The following DGKB variants were observed in gnomAD, a reference collection of about 807,000 sequenced individuals.
DGKB encodes 90 kDa diacylglycerol kinase.
A neutral mutation model predicts 114.3 loss-of-function variants in DGKB; 67 were observed. The ratio of observed to expected loss-of-function variants is 0.59; its 90% CI spans 0.48 to 0.72. The LOEUF (loss-of-function observed/expected upper bound fraction) is 0.72, where lower values mean the gene tolerates loss of function less well. Among genes scored for constraint, DGKB ranks in the 30% least tolerant of loss-of-function variants. The probability of loss-of-function intolerance (pLI) is 0.00; values close to 1 mark genes in which losing one functional copy is unlikely to be tolerated. For synonymous variants in DGKB, 398 were observed against 323.1 expected (o/e 1.23, Z -2.49); for missense variants, 907 against 975.2 (o/e 0.93, Z 0.93).
intron 1 of DGKB, among the ~76,000 whole-genome samples, chr7:14,928,510 T>C (rs2128249841): frequency 6.6e-6 from 1 of 152,110 alleles, no homozygotes; most frequent in Middle Eastern, 3.4e-3. Context: ...GATATACACA[T>C]GCTATATTAA....
intron 1 of DGKB, among the ~76,000 whole-genome samples, chr7:14,918,499 C>T (rs915845594): frequency 2.0e-5 from 3 of 151,996 alleles, no homozygotes; most frequent in Admixed American, 6.6e-5. Flanking sequence ...AACACAATAC[C>T]ATTTACTCTA....
rs572009651 is a variant in DGKB at position 14,327,840 on chromosome 7, A to G, written c.2122+10675T>C. On this transcript the variant is annotated intron_variant, in intron 23 of 25. Transcript: ENST00000402815. ...AAAAATTTTTGTAAAGCCATCACTGATTAATACATTATTTCATTTTTGCTC... is the reference window on the plus strand; with the variant it reads ...AAAAATTTTTGTAAAGCCATCACTGGTTAATACATTATTTCATTTTTGCTC... 9.9e-5 allele frequency among the ~76,000 whole-genome samples: 15 copies of G among 152,260 alleles called. No individual in the cohort carries two copies. The South Asian group carries it at 2.9e-3, about 29-fold the overall frequency.
intron 20 of DGKB, among the ~76,000 whole-genome samples, chr7:14,531,553 G>A (rs981804227): frequency 1.3e-5 from 2 of 151,310 alleles, no homozygotes; most frequent in South Asian, 2.1e-4. Flanking sequence ...TATTGAAGAA[G>A]GACTAAATGA....
chr7:14,315,682 T>A (rs1333727925), intron 23 of DGKB, among the ~76,000 whole-genome samples: 1 of 148,744 alleles, frequency 6.7e-6, no homozygotes, highest in East Asian at 2.0e-4. Flanking sequence ...ACATTAATAA[T>A]GGGAGACTTT....
intron 23 of DGKB, among the ~76,000 whole-genome samples, chr7:14,194,681 A>T (rs1015766706): frequency 6.6e-6 from 1 of 152,160 alleles, no homozygotes; most frequent in Non-Finnish European, 1.5e-5. Flanking sequence ...TTATATATGT[A>T]CACAGAAATA....
intron 1 of DGKB, among the ~76,000 whole-genome samples, chr7:14,956,618 T>G (rs1562902546): frequency 6.6e-6 from 1 of 152,074 alleles, no homozygotes; most frequent in Admixed American, 6.6e-5. Context: ...AGACAGCTTC[T>G]TAACCTCTAG....
intron 23 of DGKB, among the ~76,000 whole-genome samples, chr7:14,227,685 T>A (rs377262502): frequency 2.0e-4 from 30 of 151,994 alleles, no homozygotes; most frequent in African/African-American, 7.0e-4. Context: ...AAAATGCAAA[T>A]ACTAAAAGCA....
At chr7:14,426,358 C>A (rs1044277800) in intron 21 of DGKB, among the ~76,000 whole-genome samples, 3 of 152,090 alleles carry the variant, frequency 2.0e-5, no homozygotes, top group Non-Finnish European at 4.4e-5. Context: ...AGAATCAAAC[C>A]CTTAAGCTTT....
intron 21 of DGKB, among the ~76,000 whole-genome samples, chr7:14,445,876 T>C (rs1424752583): frequency 1.3e-5 from 2 of 152,064 alleles, no homozygotes; most frequent in African/African-American, 4.8e-5. Flanking sequence ...AGACGTAAAG[T>C]TGCCTTCCAT....
At chr7:14,489,447 A>G (rs988597083) in intron 20 of DGKB, among the ~76,000 whole-genome samples, 4 of 152,176 alleles carry the variant, frequency 2.6e-5, no homozygotes, top group African/African-American at 9.7e-5. Flanking sequence ...TAAGGCACAA[A>G]GGTTGTATCC....
chr7:14,465,905 C>A (rs779809240), intron 21 of DGKB, among the ~76,000 whole-genome samples: 8 of 151,850 alleles, frequency 5.3e-5, no homozygotes, highest in African/African-American at 1.9e-4. Flanking sequence ...TTACTCCTAG[C>A]TGCTGGTGTA....
rs190487784 is a variant in DGKB at position 14,888,364 on chromosome 7, C to A, written c.-188+14228G>T. 2.0e-5 allele frequency among the ~76,000 whole-genome samples: 3 copies of A among 151,584 alleles called. No homozygotes were observed. The Admixed American group carries it at 2.0e-4, about 10-fold the overall frequency. On this transcript the variant is annotated intron_variant, in intron 1 of 25. Coordinates refer to ENST00000402815, the MANE Select transcript of DGKB (RefSeq NM_001350709.2). The stretch of plus-strand genomic sequence containing the variant: ...TTTCCTGCACAAACATAGCCATACC[C>A]CTCTCACACATACTTAAAAAGTCCT...
intron 1 of DGKB, among the ~76,000 whole-genome samples, chr7:14,857,782 G>A (rs919246643): frequency 6.6e-6 from 1 of 151,644 alleles, no homozygotes; most frequent in Non-Finnish European, 1.5e-5. Context: ...TTCAGTTGGT[G>A]GTACTAGTTG....
At chr7:14,599,690 A>G (rs1323563892) in intron 17 of DGKB, among the ~76,000 whole-genome samples, 2 of 152,270 alleles carry the variant, frequency 1.3e-5, no homozygotes, top group Non-Finnish European at 2.9e-5. Flanking sequence ...TGAGGGCAAG[A>G]GTTATTATCC....
At chr7:14,937,423 A>T (rs997616895) in intron 1 of DGKB, among the ~76,000 whole-genome samples, 5 of 152,272 alleles carry the variant, frequency 3.3e-5, no homozygotes, top group African/African-American at 1.2e-4. Context: ...CTGAACAATC[A>T]CATTCACAGG....
At chr7:14,432,406 T>C (rs1828587675) in intron 21 of DGKB, among the ~76,000 whole-genome samples, 1 of 152,188 alleles carries the variant, frequency 6.6e-6, no homozygotes, top group South Asian at 2.1e-4. Context: ...ACCATCCATG[T>C]CTGTAGCACT....
intron 1 of DGKB, among the ~76,000 whole-genome samples, chr7:14,973,527 G>GTTTTTTTTTTTTTTTTTTTTTTTTTTTTT (rs11300261): frequency 3.6e-5 from 5 of 137,272 alleles, no homozygotes; most frequent in Non-Finnish European, 4.8e-5. Flanking sequence ...TTGTTTTTTT[G>GTTTTTTTTTTTTTTTTTTTTTTTTTTTTT]TTTTTTTTTT....
chr7:14,888,765 G>A (rs1780717751), intron 1 of DGKB, among the ~76,000 whole-genome samples: 1 of 151,706 alleles, frequency 6.6e-6, no homozygotes, highest in South Asian at 2.1e-4. Context: ...GAACATTGTT[G>A]TGAAATTAAG....
chr7:14,715,494 G>C (rs1007267593), intron 6 of DGKB, among the ~76,000 whole-genome samples: 1 of 152,068 alleles, frequency 6.6e-6, no homozygotes, highest in Non-Finnish European at 1.5e-5. Flanking sequence ...AACAAGGAGA[G>C]ATAAAAATGG....
Sources: allele counts gnomAD v4.1 joint callset (sites outside exome capture counted in the v4.1 genomes callset), GRCh38; gene constraint gnomAD v4.1.1; transcripts MANE v1.5; gene names NCBI Gene and HGNC (gene_info 2026-07-23, HGNC 2026-07-21).